The following IFT56 variants were observed in gnomAD, a reference collection of about 807,000 sequenced individuals.
IFT56 encodes intraflagellar transport 56, also known as intraflagellar transport protein 56.
the IFT56 span, chr7:139,166,942 G>A: frequency 7.6e-7 from 1 of 1,309,828 alleles, no homozygotes; most frequent in Admixed American, 1.7e-5. Context: ...TCTGCTAAAA[G>A]TGGAACTTCA....
chr7:139,180,789 AACG>A, the IFT56 span, among the ~76,000 whole-genome samples: 4 of 152,202 alleles, frequency 2.6e-5, no homozygotes, highest in Non-Finnish European at 5.9e-5. Context: ...GTGAGATTGA[AACG>A]ACGAGTAGGA....
chr7:139,183,676 A>G, the IFT56 span, among the ~76,000 whole-genome samples: 1 of 144,768 alleles, frequency 6.9e-6, no homozygotes, highest in East Asian at 2.0e-4. Context: ...ATAAAAGGAT[A>G]AAAAAAAAAA....
the IFT56 span, among the ~76,000 whole-genome samples, chr7:139,148,890 G>A: frequency 6.6e-6 from 1 of 151,990 alleles, no homozygotes; most frequent in Non-Finnish European, 1.5e-5. Flanking sequence ...GACAGAGCGA[G>A]ACTCTGTCTC....
At chr7:139,146,727 A>G in the IFT56 span, among the ~76,000 whole-genome samples, 2 of 144,690 alleles carry the variant, frequency 1.4e-5, no homozygotes, top group Non-Finnish European at 3.0e-5. Context: ...AGATCGTGCC[A>G]TTGCACTCCA....
the IFT56 span, chr7:139,178,621 A>G: frequency 6.3e-7 from 1 of 1,588,158 alleles, no homozygotes; most frequent in Non-Finnish European, 8.6e-7. Flanking sequence ...TTTTGAGAGC[A>G]TTTGAATGAT....
chr7:139,187,571 C>T, the IFT56 span: 2 of 1,609,070 alleles, frequency 1.2e-6, no homozygotes, highest in Admixed American at 1.7e-5. Context: ...ACTACCTCTA[C>T]TCATTTGCTT....
chr7:139,151,481 G>A, the IFT56 span, among the ~76,000 whole-genome samples: 27 of 152,272 alleles, frequency 1.8e-4, no homozygotes, highest in Middle Eastern at 3.4e-3. Context: ...TTATGAGTTT[G>A]GGCTTGGAAT....
At chr7:139,185,233 T>C in the IFT56 span, among the ~76,000 whole-genome samples, 9 of 151,906 alleles carry the variant, frequency 5.9e-5, no homozygotes, top group African/African-American at 2.2e-4. Flanking sequence ...ATCTTGATAG[T>C]TGTATGGCTG....
At chr7:139,148,138 G>T in the IFT56 span, 1 of 1,430,546 alleles carries the variant, frequency 7.0e-7, no homozygotes, top group South Asian at 1.3e-5. Context: ...TTGTCCATTT[G>T]AGCTTTGTAA....
At chr7:139,159,762 T>C in the IFT56 span, among the ~76,000 whole-genome samples, 1 of 152,212 alleles carries the variant, frequency 6.6e-6, no homozygotes, top group Non-Finnish European at 1.5e-5. Context: ...TAAAAAAATA[T>C]GTATGTCAAT....
the IFT56 span, chr7:139,189,198 A>G: frequency 3.0e-6 from 2 of 658,964 alleles, no homozygotes; most frequent in Middle Eastern, 4.3e-4. Flanking sequence ...ATACACAGTG[A>G]AAGAGTCTAT....
chr7:139,180,016 A>G, the IFT56 span, among the ~76,000 whole-genome samples: 2 of 152,214 alleles, frequency 1.3e-5, no homozygotes, highest in Non-Finnish European at 2.9e-5. Flanking sequence ...AAGTGGCAAA[A>G]TGTCAAAAAT....
the IFT56 span, chr7:139,181,207 G>A: frequency 1.3e-6 from 2 of 1,581,926 alleles, no homozygotes; most frequent in Non-Finnish European, 1.7e-6. Context: ...AGGTGAGTCT[G>A]ACTGAGACTA....
chr7:139,173,815 A>C, the IFT56 span: 1 of 732,904 alleles, frequency 1.4e-6, no homozygotes, highest in Admixed American at 1.9e-5. Flanking sequence ...ATGTAATAAC[A>C]ATCATCCTTC....
the IFT56 span, among the ~76,000 whole-genome samples, chr7:139,164,743 G>A: frequency 1.3e-5 from 2 of 151,668 alleles, no homozygotes; most frequent in Non-Finnish European, 1.5e-5. Flanking sequence ...ATATTCTGGT[G>A]GATGTAACAG....
chr7:139,179,706 T>C, the IFT56 span: 1 of 1,315,444 alleles, frequency 7.6e-7, no homozygotes, highest in Non-Finnish European at 1.1e-6. Flanking sequence ...TTGCATAATC[T>C]GTTCGGAAAT....
chr7:139,142,013 A>G, the IFT56 span, among the ~76,000 whole-genome samples: 3 of 152,210 alleles, frequency 2.0e-5, no homozygotes, highest in African/African-American at 7.2e-5. Context: ...GGATCACCAT[A>G]ATAGGATCAG....
the IFT56 span, among the ~76,000 whole-genome samples, chr7:139,160,634 G>A: frequency 2.0e-5 from 3 of 152,166 alleles, no homozygotes; most frequent in Middle Eastern, 6.8e-3. Context: ...GTTTCACCAC[G>A]TTGACCAGAG....
At chr7:139,142,235 C>A in the IFT56 span, 1 of 1,613,834 alleles carries the variant, frequency 6.2e-7, no homozygotes, top group Non-Finnish European at 8.5e-7. Flanking sequence ...CTTTAATAAG[C>A]AGCTTGGATT....
Sources: gnomAD v4.1 joint callset for allele counts (sites outside exome capture counted in the v4.1 genomes callset) on GRCh38, gnomAD v4.1.1 for gene constraint, MANE v1.5 for transcripts, NCBI Gene and HGNC (gene_info 2026-07-23, HGNC 2026-07-21) for gene names.